Variants in ADCY1 observed in about 807,000 individuals in gnomAD.
The protein encoded by ADCY1 is adenylate cyclase type 1.
Under a neutral mutation model 105.4 loss-of-function variants are expected in ADCY1, and 28 were observed. The ratio of observed to expected loss-of-function variants is 0.27; its 90% confidence interval spans 0.20 to 0.36. ADCY1 has a LOEUF of 0.36. ADCY1 is among the 10% of genes least tolerant of loss of function. The pLI, the probability that ADCY1 is intolerant of heterozygous loss-of-function variation, is 1.00. For synonymous variants in ADCY1, 655 were observed against 623.8 expected (o/e 1.05, Z -0.75); for missense variants, 977 against 1,434.2 (o/e 0.68, Z 5.15).
In ADCY1 at chr7:45,721,398, G is replaced by A; in HGVS notation, c.*7403G>A. 1 of 335,064 alleles carries A rather than the reference G, an allele frequency of 3.0e-6. No homozygotes were observed. The highest frequency in any genetic ancestry group is 4.5e-5 in the East Asian group (1 of 22,366). 20.8% of individuals were successfully genotyped at this position (335,064 alleles called of 1,614,324 possible). On this transcript the variant is annotated 3_prime_UTR_variant, in exon 20 of 20. Transcript: ENST00000297323. ...GACTATATTCTAAAACTATATTTGA[G>A]CGAAACCTGTCATTGCGTCTAATTT...
At chr7:45,626,523 T>C (rs758265623) in intron 4 of ADCY1, among the ~76,000 whole-genome samples, 2 of 152,174 alleles carry the variant, frequency 1.3e-5, no homozygotes, top group Admixed American at 6.5e-5. Flanking sequence ...AGCTGCAAGA[T>C]GCCTTCATGC....
chr7:45,650,403 G>C (rs1562706843), intron 5 of ADCY1, among the ~76,000 whole-genome samples: 1 of 152,130 alleles, frequency 6.6e-6, no homozygotes, highest in South Asian at 2.1e-4. Flanking sequence ...ATCTGGTTTT[G>C]TGTGATCTCC....
At chr7:45,711,943 A>ATATATT (rs561008590) in intron 19 of ADCY1, among the ~76,000 whole-genome samples, 164 of 58,326 alleles carry the variant, frequency 2.8e-3, no homozygotes, top group Non-Finnish European at 4.8e-3. Context: ...AAATATATAA[A>ATATATT]TACATATTAT....
Position 45,662,197 on chromosome 7 carries a change from T to C in ADCY1, c.1588T>C (p.Cys530Arg). ...AEIPFSNVMTCEDDDKRRALR... is the reference protein window; with the variant it reads ...AEIPFSNVMTREDDDKRRALR... ...GATCCCCTTCTCCAATGTCATGACCTGCGAGGACGATGACAAGGTAGGAGC... is the reference window on the plus strand; with the variant it reads ...GATCCCCTTCTCCAATGTCATGACCCGCGAGGACGATGACAAGGTAGGAGC... The change falls in exon 8 of 20, where the codon TGC becomes CGC. Residue 530 changes from cysteine (C) to arginine (R), a missense_variant. Physicochemically the swap from Cys to Arg is radical, Grantham distance 180. This residue lies in a region of ADCY1 where 275 missense variants were observed against 362.1 expected (regional missense o/e 0.76). Coordinates refer to ENST00000297323, the MANE Select transcript of ADCY1 (RefSeq NM_021116.4). 6.2e-7 allele frequency: 1 copy of C among 1,613,390 alleles called. No individual in the cohort carries two copies. The highest frequency in any genetic ancestry group is 1.1e-5 in the South Asian group (1 of 90,906).
intron 1 of ADCY1, among the ~76,000 whole-genome samples, chr7:45,589,225 G>T (rs1420486550): frequency 6.6e-6 from 1 of 152,176 alleles, no homozygotes; most frequent in Non-Finnish European, 1.5e-5. Flanking sequence ...CATACTGGGA[G>T]ACCAGCAGCC....
intron 8 of ADCY1, among the ~76,000 whole-genome samples, chr7:45,663,795 G>T (rs1381141868): frequency 6.6e-6 from 1 of 151,918 alleles, no homozygotes; most frequent in Non-Finnish European, 1.5e-5. Flanking sequence ...GTCCAGCCTG[G>T]ATGGCAGAGT....
intron 2 of ADCY1, among the ~76,000 whole-genome samples, chr7:45,595,261 G>C (rs541268362): frequency 6.6e-6 from 1 of 152,194 alleles, no homozygotes; most frequent in Non-Finnish European, 1.5e-5. Context: ...GAGCCTGTTA[G>C]GAATGCAGAT....
In ADCY1 at chr7:45,574,681, G is replaced by A. The variant is rs764099850; in HGVS notation, c.138G>A (p.Glu46=). The change falls in exon 1 of 20, where the codon GAG becomes GAA. Residue 46 remains glutamate (E), a synonymous_variant. Transcript: ENST00000297323. This position sits in a 1 kb window ranked among gnomAD's most constrained non-coding sequence, Gnocchi z 7.0. ...CDEEFACPEL[E]ALFRGYTLRL... ...AGGAGTTCGCTTGCCCAGAGCTGGA[G>A]GCGCTGTTCCGCGGCTACACGCTGC... The A allele has an allele frequency of 3.2e-5, 44 of 1,386,198 alleles. No homozygotes were observed. The highest frequency in any genetic ancestry group is 4.0e-5 in the Non-Finnish European group (43 of 1,074,756). The allele number at this position is 1,386,198 out of a possible 1,614,324, so 85.9% of individuals were successfully genotyped here. A position where few individuals can be genotyped will look rare whatever the true frequency, so the allele number is the denominator to read the frequency against.
intron 2 of ADCY1, among the ~76,000 whole-genome samples, chr7:45,604,154 A>G (rs574879255): frequency 5.8e-4 from 88 of 152,326 alleles, no homozygotes; most frequent in Non-Finnish European, 1.0e-3. Context: ...TGGTTGTACC[A>G]TTTATGTACC....
chr7:45,579,091 C>T (rs538153526), intron 1 of ADCY1, among the ~76,000 whole-genome samples: 1 of 152,302 alleles, frequency 6.6e-6, no homozygotes, highest in South Asian at 2.1e-4. Context: ...GGTTCAGAAC[C>T]ATGGCTTGGT....
chr7:45,576,964 T>G (rs186754300), intron 1 of ADCY1, among the ~76,000 whole-genome samples: 56 of 152,344 alleles, frequency 3.7e-4, no homozygotes, highest in African/African-American at 1.2e-3. Flanking sequence ...CTCTAGTCAT[T>G]TCTTTTAGAG....
intron 8 of ADCY1, among the ~76,000 whole-genome samples, chr7:45,672,235 A>G (rs1276410517): frequency 6.6e-6 from 1 of 152,160 alleles, no homozygotes; most frequent in African/African-American, 2.4e-5. Flanking sequence ...ACTTTTGTCA[A>G]AAGTCAGTTG....
At chr7:45,580,159 G>A (rs1792487288) in intron 1 of ADCY1, among the ~76,000 whole-genome samples, 1 of 152,190 alleles carries the variant, frequency 6.6e-6, no homozygotes, top group Non-Finnish European at 1.5e-5. Context: ...AATGGTCCTG[G>A]GCATCGGGCC....
chr7:45,634,622 T>A (rs1010691314), intron 4 of ADCY1, among the ~76,000 whole-genome samples: 1 of 152,178 alleles, frequency 6.6e-6, no homozygotes, highest in East Asian at 1.9e-4. Context: ...CGACTTATGA[T>A]AGTTTGACAT....
At chr7:45,693,581 G>A (rs1784823039) in intron 14 of ADCY1, among the ~76,000 whole-genome samples, 2 of 151,226 alleles carry the variant, frequency 1.3e-5, no homozygotes, top group Admixed American at 1.3e-4. Flanking sequence ...ATGTGTCAAG[G>A]AATGTATCCA....
At chr7:45,664,942 G>A (rs570327878) in intron 8 of ADCY1, among the ~76,000 whole-genome samples, 6 of 151,978 alleles carry the variant, frequency 3.9e-5, no homozygotes, top group Admixed American at 6.5e-5. Context: ...CCTCCCACCC[G>A]CTGACAGGCC....
chr7:45,672,679 A>C (rs1784388052), intron 8 of ADCY1, among the ~76,000 whole-genome samples: 1 of 152,064 alleles, frequency 6.6e-6, no homozygotes, highest in Non-Finnish European at 1.5e-5. Context: ...TGTGGAACTC[A>C]CTAATTTGTT....
In ADCY1 at chr7:45,708,970, T is replaced by G. The variant is rs568205774; in HGVS notation, c.2932+506T>G. Among the ~76,000 whole-genome samples, 19 of 109,462 alleles carry G rather than the reference T, an allele frequency of 1.7e-4. No individual in the cohort carries two copies. Among genetic ancestry groups the G allele is most frequent in the South Asian group, 4.5e-4 (2 of 4,458 alleles). 71.8% of individuals were successfully genotyped at this position (109,462 alleles called of 152,430 possible). Reference sequence around the variant, plus strand: ...CTTTTATAAAACTATGATTTGTTGTTTTTTTTTTTAATCATAAATTCACTT... The same window carrying G: ...CTTTTATAAAACTATGATTTGTTGTGTTTTTTTTTAATCATAAATTCACTT... On this transcript the variant is annotated intron_variant, in intron 18 of 19. Transcript: ENST00000297323. The surrounding 1 kb of genome is among the most constrained non-coding windows in gnomAD (Gnocchi z 4.7).
intron 11 of ADCY1, among the ~76,000 whole-genome samples, chr7:45,681,901 C>T (rs549581935): frequency 5.9e-5 from 9 of 152,284 alleles, no homozygotes; most frequent in Non-Finnish European, 1.0e-4. Flanking sequence ...TTTCCCTCCC[C>T]GACATTGACA....
Sources: allele counts gnomAD v4.1 joint callset (sites outside exome capture counted in the v4.1 genomes callset), GRCh38; gene constraint gnomAD v4.1.1; regional missense constraint gnomAD v4.1.1; non-coding constraint Gnocchi (gnomAD v3.1); transcripts MANE v1.5; gene names NCBI Gene and HGNC (gene_info 2026-07-23, HGNC 2026-07-21).